The following ARL15 variants were observed in gnomAD, a reference collection of about 807,000 sequenced individuals.
ARL15 encodes the protein ADP-ribosylation factor-like protein 15.
A neutral mutation model predicts 25.2 loss-of-function variants in ARL15; 19 were observed. The ratio of observed to expected loss-of-function variants is 0.75; its 90% CI spans 0.53 to 1.10. The LOEUF (loss-of-function observed/expected upper bound fraction) is 1.10. ARL15 is among the 50% of genes least tolerant of loss of function. The probability of loss-of-function intolerance (pLI) is 0.00; values close to 1 mark genes in which losing one functional copy is unlikely to be tolerated. For synonymous variants in ARL15, 94 were observed against 86.8 expected (o/e 1.08, Z -0.46); for missense variants, 220 against 246.0 (o/e 0.89, Z 0.71).
chr5:53,922,796 G>A (rs1202435118), intron 4 of ARL15, among the ~76,000 whole-genome samples: 1 of 152,182 alleles, frequency 6.6e-6, no homozygotes, highest in African/African-American at 2.4e-5. Context: ...CATCTGTGCT[G>A]ACAACTGAGC....
At chr5:53,968,469 C>A (rs955657778) in intron 4 of ARL15, among the ~76,000 whole-genome samples, 3 of 152,116 alleles carry the variant, frequency 2.0e-5, no homozygotes, top group Non-Finnish European at 2.9e-5. Flanking sequence ...TAAAACTGAG[C>A]AGCATAATTT....
At chr5:54,259,614 C>A (rs891626616) in intron 1 of ARL15, among the ~76,000 whole-genome samples, 1 of 152,132 alleles carries the variant, frequency 6.6e-6, no homozygotes, top group African/African-American at 2.4e-5. Flanking sequence ...AACATTCAGA[C>A]ACCCAAAAAT....
At chr5:54,047,873 C>G (rs567757851) in intron 4 of ARL15, 3 of 152,292 alleles carry the variant, frequency 2.0e-5, no homozygotes, top group African/African-American at 7.2e-5. Flanking sequence ...CATTGCGTGT[C>G]ATTCTAATGG....
intron 1 of ARL15, among the ~76,000 whole-genome samples, chr5:54,303,677 A>C (rs1758672722): frequency 6.8e-6 from 1 of 147,394 alleles, no homozygotes; most frequent in Admixed American, 6.8e-5. Flanking sequence ...AAAAAGAAGA[A>C]GAAGAGGAGA....
intron 1 of ARL15, among the ~76,000 whole-genome samples, chr5:54,179,485 A>G (rs1320127595): frequency 6.6e-6 from 1 of 152,182 alleles, no homozygotes; most frequent in Non-Finnish European, 1.5e-5. Context: ...TGGCCAAAGT[A>G]TCTCTCATTC....
At chr5:54,072,917 C>T (rs1014710143) in intron 4 of ARL15, among the ~76,000 whole-genome samples, 1 of 152,082 alleles carries the variant, frequency 6.6e-6, no homozygotes, top group Non-Finnish European at 1.5e-5. Flanking sequence ...AGATGGTATC[C>T]TAGATTTTCC....
intron 4 of ARL15, among the ~76,000 whole-genome samples, chr5:54,109,579 G>C (rs1752684844): frequency 6.6e-6 from 1 of 151,900 alleles, no homozygotes; most frequent in South Asian, 2.1e-4. Flanking sequence ...AAACCCTCCT[G>C]ATCTATTAAA....
intron 2 of ARL15, among the ~76,000 whole-genome samples, chr5:54,154,952 T>C (rs983550495): frequency 2.6e-5 from 4 of 151,844 alleles, no homozygotes; most frequent in African/African-American, 9.7e-5. Context: ...GAAACCCCGT[T>C]TCTACTAAAA....
chr5:54,221,554 T>G (rs1037830979), intron 1 of ARL15, among the ~76,000 whole-genome samples: 2 of 152,184 alleles, frequency 1.3e-5, no homozygotes, highest in Non-Finnish European at 2.9e-5. Context: ...AGATGGGGTG[T>G]GTATACACAC....
chr5:53,910,942 G>A (rs1745444165), intron 4 of ARL15, among the ~76,000 whole-genome samples: 1 of 151,746 alleles, frequency 6.6e-6, no homozygotes, highest in Non-Finnish European at 1.5e-5. Context: ...ATTTTCATGT[G>A]AGTCACTTTA....
At chr5:54,177,974 C>A (rs774081801) in intron 1 of ARL15, among the ~76,000 whole-genome samples, 1 of 152,168 alleles carries the variant, frequency 6.6e-6, no homozygotes, top group Non-Finnish European at 1.5e-5. Context: ...CACATGTATT[C>A]TTTTCTAAGA....
intron 4 of ARL15, among the ~76,000 whole-genome samples, chr5:53,939,428 G>A (rs16881885): frequency 0.095 from 14,427 of 152,008 alleles, 979 homozygotes; most frequent in East Asian, 0.35. Flanking sequence ...TTACATTTCC[G>A]TTTTGCAAAT....
At chr5:54,078,748 A>G (rs6875937) in intron 4 of ARL15, among the ~76,000 whole-genome samples, 12,338 of 152,226 alleles carry the variant, frequency 0.081, 632 homozygotes, top group African/African-American at 0.11. Context: ...ATCTTAATAG[A>G]TGCAAAATAT....
intron 4 of ARL15, among the ~76,000 whole-genome samples, chr5:53,953,862 C>T (rs945791644): frequency 6.6e-6 from 1 of 152,030 alleles, no homozygotes; most frequent in Admixed American, 6.6e-5. Context: ...AGGAGCCTTA[C>T]GCTTTAATGA....
intron 4 of ARL15, among the ~76,000 whole-genome samples, chr5:54,067,834 A>G (rs938562333): frequency 8.5e-5 from 13 of 152,220 alleles, no homozygotes; most frequent in African/African-American, 1.2e-4. Context: ...CTTGACAAGA[A>G]GTCATATTTC....
At chr5:54,138,963 G>A (rs935494444) in intron 3 of ARL15, among the ~76,000 whole-genome samples, 1 of 152,064 alleles carries the variant, frequency 6.6e-6, no homozygotes, top group Non-Finnish European at 1.5e-5. Context: ...AAACTCATAA[G>A]ATATCACCTT....
At chr5:53,914,382 A>G (rs913368497) in intron 4 of ARL15, among the ~76,000 whole-genome samples, 2 of 152,092 alleles carry the variant, frequency 1.3e-5, no homozygotes, top group Non-Finnish European at 2.9e-5. Flanking sequence ...TGTCTCCCCA[A>G]ATATACCATG....
intron 2 of ARL15, among the ~76,000 whole-genome samples, chr5:54,170,941 C>T (rs760770794): frequency 6.6e-6 from 1 of 152,204 alleles, no homozygotes; most frequent in Non-Finnish European, 1.5e-5. Context: ...CCTTCTCCTT[C>T]CTTCTCAGCT....
chr5:53,996,417 A>C (rs1364399626), intron 4 of ARL15, among the ~76,000 whole-genome samples: 1 of 152,106 alleles, frequency 6.6e-6, no homozygotes, highest in Non-Finnish European at 1.5e-5. Flanking sequence ...TCTGGAGTTC[A>C]AGACCAGCTT....
Sources: gnomAD v4.1 joint callset for allele counts (sites outside exome capture counted in the v4.1 genomes callset) on GRCh38, gnomAD v4.1.1 for gene constraint, MANE v1.5 for transcripts, NCBI Gene and HGNC (gene_info 2026-07-23, HGNC 2026-07-21) for gene names.